PCDHGB6: variants seen among roughly 807,000 people sequenced by gnomAD.
PCDHGB6 encodes the protein protocadherin gamma-B6.
PCDHGB6 carries 51 observed loss-of-function variants against 59.1 expected under a neutral mutation model. The ratio of observed to expected loss-of-function variants is 0.86; its 90% CI spans 0.69 to 1.09. PCDHGB6 has a LOEUF of 1.09. PCDHGB6 is among the 50% of genes least tolerant of loss of function. The pLI, the probability that PCDHGB6 is intolerant of heterozygous loss-of-function variation, is 0.00. For missense variants in PCDHGB6, 1,148 were observed against 1,205.1 expected, an observed-to-expected ratio of 0.95 and a Z score of 0.70; for synonymous variants, 466 against 495.1, an observed-to-expected ratio of 0.94 and a Z score of 0.78.
At position 141,409,462 on chromosome 5, in the gene PCDHGB6, C is replaced by G. The variant is rs377705841; in HGVS notation, c.1260C>G (p.Val420=). 1 of 1,613,988 alleles carries G rather than the reference C, an allele frequency of 6.2e-7. No homozygotes were observed. Among genetic ancestry groups the G allele is most frequent in the African/African-American group, 1.3e-5 (1 of 75,076 alleles). ...LDREQTPEYN[V]TIVATDRGKP... ...GAGAGCAGACACCAGAATACAATGTCACCATCGTAGCCACTGACAGGGGCA... is the reference window on the plus strand; with the variant it reads ...GAGAGCAGACACCAGAATACAATGTGACCATCGTAGCCACTGACAGGGGCA... The change falls in exon 1 of 4, where the codon GTC becomes GTG. Residue 420 remains valine, a synonymous_variant. Transcript: ENST00000520790.
rs199625514 is a variant in PCDHGB6 at position 141,485,144 on chromosome 5, G to C, written c.2419-9663G>C. The C allele has an allele frequency of 6.4e-7, 1 of 1,564,190 alleles. No homozygotes were observed. Among genetic ancestry groups the C allele is most frequent in the African/African-American group, 1.4e-5 (1 of 74,034 alleles). ...CGGGTCGGCTTCATCCGCGTCTCAG[G>C]AGCAAGTAGAGAATTAGCGGGCGGC... On this transcript the variant is annotated intron_variant, in intron 1 of 3. Coordinates refer to ENST00000520790, the MANE Select transcript of PCDHGB6 (RefSeq NM_018926.3). The surrounding 1 kb of genome is among the most constrained non-coding windows in gnomAD (Gnocchi z 5.7).
At chr5:141,427,924 G>A (rs1440880400) in intron 1 of PCDHGB6, 8 of 1,580,024 alleles carry the variant, frequency 5.1e-6, no homozygotes, top group East Asian at 2.2e-5. Context: ...ATGAGCCGGC[G>A]CATGTTGGTG....
chr5:141,443,207 C>T (rs907169095), intron 1 of PCDHGB6, among the ~76,000 whole-genome samples: 5 of 152,064 alleles, frequency 3.3e-5, no homozygotes, highest in African/African-American at 1.2e-4. Context: ...AAGAGCTTGT[C>T]TCGCCAGGCG....
At chr5:141,428,226 C>A (rs2154552641) in intron 1 of PCDHGB6, 1 of 1,137,180 alleles carries the variant, frequency 8.8e-7, no homozygotes, top group South Asian at 1.3e-5. Flanking sequence ...TCTTCGCAGA[C>A]AGCCTGCAGG....
Position 141,485,666 on chromosome 5 carries a change from A to C in PCDHGB6, c.2419-9141A>C. 1.2e-6 allele frequency: 2 copies of C among 1,612,786 alleles called. No homozygotes were observed. Among genetic ancestry groups the C allele is most frequent in the Non-Finnish European group, 1.7e-6 (2 of 1,178,960 alleles). ...GGCTCAGGATGCAGATGTGGGGAGCAATTCGATTAGCAGCTATAGGCTGAG... is the reference window on the plus strand; with the variant it reads ...GGCTCAGGATGCAGATGTGGGGAGCCATTCGATTAGCAGCTATAGGCTGAG... On this transcript the variant is annotated intron_variant, in intron 1 of 3. Transcript: ENST00000520790. This position sits in a 1 kb window ranked among gnomAD's most constrained non-coding sequence, Gnocchi z 5.7.
chr5:141,409,243 AATC>A lies in PCDHGB6; in HGVS notation c.1046_1048del (p.Ile349del). 1 of 1,614,032 alleles carries A rather than the reference AATC, an allele frequency of 6.2e-7. No homozygotes were observed. The highest frequency in any genetic ancestry group is 1.1e-5 in the South Asian group (1 of 91,080). On this transcript the variant is annotated inframe_deletion, in exon 1 of 4. Transcript: ENST00000520790. Reference sequence around the variant, plus strand: ...ATGAAAACGACAACAGCCCAGAAATAATCATCACTTCTCTCTCTGATCAGATTT... The same window carrying A: ...ATGAAAACGACAACAGCCCAGAAATAATCACTTCTCTCTCTGATCAGATTT...
rs1398639610 is a variant in PCDHGB6 at position 141,410,527 on chromosome 5, C to T, written c.2325C>T (p.Ser775=). The change falls in exon 1 of 4, where the codon TCC becomes TCT. Residue 775 remains serine (S), a synonymous_variant. Coordinates refer to ENST00000520790, the MANE Select transcript of PCDHGB6 (RefSeq NM_018926.3). ...TAAAATGCAGTGTGCCCCTACATTC[C>T]AATGAAGACATGGTTTGCAGTGTTT... ...NFLKCSVPLH[S]NEDMVCSVSP... is the part of the protein sequence containing the mutation. The T allele has an allele frequency of 6.2e-7, 1 of 1,613,920 alleles. No homozygotes were observed. Among genetic ancestry groups the T allele is most frequent in the East Asian group, 2.2e-5 (1 of 44,868 alleles).
chr5:141,430,725 G>A (rs1436128094), intron 1 of PCDHGB6: 4 of 1,497,276 alleles, frequency 2.7e-6, no homozygotes, highest in Admixed American at 2.4e-5. Flanking sequence ...AGTGGTTAAG[G>A]GCAGAATTGA....
At chr5:141,466,864 C>G (rs925681539) in intron 1 of PCDHGB6, among the ~76,000 whole-genome samples, 24 of 151,910 alleles carry the variant, frequency 1.6e-4, no homozygotes, top group African/African-American at 5.3e-4. Flanking sequence ...TTTTGAAATC[C>G]ACACATTTTT....
intron 1 of PCDHGB6, among the ~76,000 whole-genome samples, chr5:141,466,246 A>G (rs1357175003): frequency 6.6e-6 from 1 of 152,100 alleles, no homozygotes; most frequent in Non-Finnish European, 1.5e-5. Flanking sequence ...TCATGGCTCA[A>G]TGCAGCCTTG....
At position 141,409,567 on chromosome 5, in the gene PCDHGB6, G is replaced by A. The variant is rs974585499; in HGVS notation, c.1365G>A (p.Thr455=). The A allele has an allele frequency of 6.2e-7, 1 of 1,613,896 alleles. No homozygotes were observed. The highest frequency in any genetic ancestry group is 1.3e-5 in the African/African-American group (1 of 75,054). Residue 455 remains threonine, a synonymous_variant, in exon 1 of 4, where the codon ACG becomes ACA. Coordinates refer to ENST00000520790, the MANE Select transcript of PCDHGB6 (RefSeq NM_018926.3). The part of the protein sequence containing the change: ...INDNAPVFDQ[T]SYVVHVAENN... ...ACAACGCCCCAGTTTTCGACCAGAC[G>A]TCCTACGTGGTCCACGTGGCCGAGA...
chr5:141,419,317 T>C, intron 1 of PCDHGB6: 1 of 1,613,952 alleles, frequency 6.2e-7, no homozygotes, highest in Non-Finnish European at 8.5e-7. Flanking sequence ...TCAACGGCCG[T>C]GTCTCCTACT....
At chr5:141,422,980 C>T in intron 1 of PCDHGB6, 1 of 1,614,232 alleles carries the variant, frequency 6.2e-7, no homozygotes, top group Middle Eastern at 1.7e-4. Flanking sequence ...CTCTGCGGAA[C>T]CTGGCTACCT....
Position 141,490,850 on chromosome 5 carries a change from G to A in PCDHGB6, c.2419-3957G>A, listed in dbSNP as rs374508743. The A allele has an allele frequency of 7.2e-5, 116 of 1,613,706 alleles. No homozygotes were observed. The highest frequency in any genetic ancestry group is 9.5e-5 in the Non-Finnish European group (112 of 1,179,902). ...ATGCTGCAGATTGTGGTGGGGGTTC[G>A]AGACTCCGGCTCTCCCCCATTGCAT... On this transcript the variant is annotated intron_variant, in intron 1 of 3. Transcript: ENST00000520790. This position sits in a 1 kb window ranked among gnomAD's most constrained non-coding sequence, Gnocchi z 5.4.
In PCDHGB6 at chr5:141,476,908, A is replaced by G. The variant is rs754076231; in HGVS notation, c.2419-17899A>G. 6.2e-7 allele frequency: 1 copy of G among 1,614,050 alleles called. No individual in the cohort carries two copies. The highest frequency in any genetic ancestry group is 8.5e-7 in the Non-Finnish European group (1 of 1,180,038). On this transcript the variant is annotated intron_variant, in intron 1 of 3. Coordinates refer to ENST00000520790, the MANE Select transcript of PCDHGB6 (RefSeq NM_018926.3). This position sits in a 1 kb window ranked among gnomAD's most constrained non-coding sequence, Gnocchi z 7.6. ...ATGCACCCTCCGGCACGCGCGTGGT[A>G]CAAGTCCTTGCAACGGATCTGGATG...
chr5:141,421,071 A>G (rs1197006989), intron 1 of PCDHGB6: 1 of 608,760 alleles, frequency 1.6e-6, no homozygotes, highest in East Asian at 2.9e-5. Flanking sequence ...GCGGAATGAG[A>G]TGGATACTCA....
At chr5:141,435,334 T>C (rs1223377462) in intron 1 of PCDHGB6, among the ~76,000 whole-genome samples, 1 of 152,196 alleles carries the variant, frequency 6.6e-6, no homozygotes, top group East Asian at 1.9e-4. Context: ...ATATAGTGAA[T>C]TTATTTCTTC....
At chr5:141,442,837 A>C (rs2098346617) in intron 1 of PCDHGB6, among the ~76,000 whole-genome samples, 1 of 152,202 alleles carries the variant, frequency 6.6e-6, no homozygotes, top group South Asian at 2.1e-4. Flanking sequence ...GGGAGGGACA[A>C]ATCTTGGCCA....
chr5:141,492,859 C>T (rs966216924), intron 1 of PCDHGB6, among the ~76,000 whole-genome samples: 1 of 152,232 alleles, frequency 6.6e-6, no homozygotes, highest in Non-Finnish European at 1.5e-5. Flanking sequence ...CTCGAGCGCC[C>T]TGGCTCTCAA....
Sources: allele counts gnomAD v4.1 joint callset (sites outside exome capture counted in the v4.1 genomes callset), GRCh38; gene constraint gnomAD v4.1.1; non-coding constraint Gnocchi (gnomAD v3.1); transcripts MANE v1.5; gene names NCBI Gene and HGNC (gene_info 2026-07-23, HGNC 2026-07-21).